The following SCN8A variants were observed in gnomAD, a reference collection of about 807,000 sequenced individuals.
SCN8A encodes the protein sodium voltage-gated channel alpha subunit 8.
In SCN8A, 30 loss-of-function variants were observed where a neutral mutation model predicts 184.1. The ratio of observed to expected loss-of-function variants is 0.16; its 90% CI spans 0.12 to 0.22. SCN8A has a LOEUF of 0.22. SCN8A is among the 10% of genes least tolerant of loss of function. SCN8A has a pLI of 1.00. For synonymous variants in SCN8A, 852 were observed against 907.0 expected, an observed-to-expected ratio of 0.94 and a Z score of 1.09; for missense variants, 1,057 against 2,498.9, an observed-to-expected ratio of 0.42 and a Z score of 12.30.
intron 12 of SCN8A, among the ~76,000 whole-genome samples, chr12:51,739,618 A>G (rs1458819939): frequency 3.9e-5 from 6 of 152,152 alleles, no homozygotes; most frequent in Non-Finnish European, 2.9e-5. Flanking sequence ...TGTTACCCTG[A>G]GGCATCCGAG....
chr12:51,762,658 G>T lies in SCN8A; in HGVS notation c.2526G>T (p.Val842=), dbSNP rs1264733612. The T allele has an allele frequency of 2.5e-6, 4 of 1,590,012 alleles. No homozygotes were observed. Among genetic ancestry groups the T allele is most frequent in the Admixed American group, 1.9e-5 (1 of 53,842 alleles). The change falls in exon 15 of 27, where the codon GTG becomes GTT. Residue 842 remains valine, a synonymous_variant. Coordinates refer to ENST00000627620, the MANE Select transcript of SCN8A (RefSeq NM_001330260.2). ...LSLADVEGLS[V]LRSFRLLRVF... is the part of the protein sequence containing the mutation. ...TAGCAGACGTGGAGGGGCTTTCAGT[G>T]CTGCGATCTTTCCGATTGGTATTCC... is the stretch of plus-strand genomic sequence containing the variant.
intron 1 of SCN8A, among the ~76,000 whole-genome samples, chr12:51,593,460 T>C (rs2138542238): frequency 6.6e-6 from 1 of 152,276 alleles, no homozygotes; most frequent in East Asian, 1.9e-4. Context: ...TTGGAGGATT[T>C]TGTTTTAAAT....
chr12:51,722,424 C>T (rs145331692), intron 12 of SCN8A: 1,710 of 158,980 alleles, frequency 0.011, 15 homozygotes, highest in Non-Finnish European at 0.015. Flanking sequence ...CTTCTACCCT[C>T]CTAGGGAAAC....
At chr12:51,665,367 T>G (rs574328849) in intron 2 of SCN8A, among the ~76,000 whole-genome samples, 1 of 152,228 alleles carries the variant, frequency 6.6e-6, no homozygotes, top group Non-Finnish European at 1.5e-5. Context: ...AGCCTTCGGC[T>G]TCATCACAAG....
chr12:51,711,893 G>A (rs867069328), intron 11 of SCN8A, among the ~76,000 whole-genome samples: 3 of 152,190 alleles, frequency 2.0e-5, no homozygotes, highest in South Asian at 2.1e-4. Context: ...TGGAAATGGG[G>A]AGAATAGATT....
At chr12:51,593,281 T>C (rs1054626625) in intron 1 of SCN8A, among the ~76,000 whole-genome samples, 1 of 152,186 alleles carries the variant, frequency 6.6e-6, no homozygotes, top group African/African-American at 2.4e-5. Context: ...TTCCGTGTTC[T>C]CTGAACATCT....
chr12:51,807,292 G>C lies in SCN8A; in HGVS notation c.5806G>C (p.Glu1936Gln). Residue 1936 changes from glutamate to glutamine, a missense_variant, in exon 27 of 27, where the codon GAG becomes CAG. By Grantham distance (29) the Glu-to-Gln change is conservative. Coordinates refer to ENST00000627620, the MANE Select transcript of SCN8A (RefSeq NM_001330260.2). The surrounding 1 kb of genome is among the most constrained non-coding windows in gnomAD (Gnocchi z 4.5). Reference sequence around the variant, plus strand: ...TGGAGGCACACACCGGGAGAAAAAAGAGAGCACCCCATCTACAGCCTCCCT... The same window carrying C: ...TGGAGGCACACACCGGGAGAAAAAACAGAGCACCCCATCTACAGCCTCCCT... ...ENGGTHREKK[E>Q]STPSTASLPS... 6.2e-7 allele frequency: 1 copy of C among 1,613,932 alleles called. No homozygotes were observed. The highest frequency in any genetic ancestry group is 2.2e-5 in the East Asian group (1 of 44,868).
intron 3 of SCN8A, 40 bp from the exon 4 acceptor site, chr12:51,686,328 G>T: frequency 7.7e-7 from 1 of 1,293,690 alleles, no homozygotes; most frequent in Non-Finnish European, 1.1e-6. Flanking sequence ...AAAACAAAAG[G>T]CAGGCCAGAT....
intron 2 of SCN8A, among the ~76,000 whole-genome samples, chr12:51,679,118 C>T (rs1233898358): frequency 6.6e-6 from 1 of 151,788 alleles, no homozygotes; most frequent in Non-Finnish European, 1.5e-5. Context: ...CTACTCACCC[C>T]AGGTGCAGTG....
chr12:51,769,775 T>A, intron 17 of SCN8A, 93 bp from the exon 18 acceptor site: 1 of 805,800 alleles, frequency 1.2e-6, no homozygotes, highest in Non-Finnish European at 2.1e-6. Context: ...GAGTCAGAGC[T>A]GGCCCCTCAT....
In SCN8A at chr12:51,761,935, G is replaced by GA. The variant is rs574849760; in HGVS notation, c.2371-558dup. Among the ~76,000 whole-genome samples, 1,331 of 143,462 alleles carry GA rather than the reference G, an allele frequency of 9.3e-3. 10 individuals are homozygous for GA. The highest frequency in any genetic ancestry group is 0.018 in the Middle Eastern group (5 of 280). 94.1% of individuals were successfully genotyped at this position (143,462 alleles called of 152,430 possible). ...ACTCTGTCAAAATACCTGTGTATTT[G>GA]AAAAAAAAAACAGAAAGAAAATACA... On this transcript the variant is annotated intron_variant, in intron 14 of 26. Transcript: ENST00000627620.
chr12:51,807,530 T>A lies in SCN8A; in HGVS notation c.*101T>A. On this transcript the variant is annotated 3_prime_UTR_variant, in exon 27 of 27. Coordinates refer to ENST00000627620, the MANE Select transcript of SCN8A (RefSeq NM_001330260.2). This position sits in a 1 kb window ranked among gnomAD's most constrained non-coding sequence, Gnocchi z 4.5. Reference sequence around the variant, plus strand: ...ATCAATGCAGAACAGCTGTGGAGACTCTAACCTGAAGATCTATACCAAACG... The same window carrying A: ...ATCAATGCAGAACAGCTGTGGAGACACTAACCTGAAGATCTATACCAAACG... The A allele has an allele frequency of 8.0e-7, 1 of 1,251,578 alleles. No individual in the cohort carries two copies. Among genetic ancestry groups the A allele is most frequent in the East Asian group, 2.5e-5 (1 of 39,526 alleles). 77.5% of individuals were successfully genotyped at this position (1,251,578 alleles called of 1,614,324 possible).
At chr12:51,639,339 T>A (rs1458835674) in intron 1 of SCN8A, among the ~76,000 whole-genome samples, 4 of 152,222 alleles carry the variant, frequency 2.6e-5, no homozygotes, top group Non-Finnish European at 5.9e-5. Context: ...GACAACAATA[T>A]ATTTAGAATA....
chr12:51,779,552 C>A (rs973110402), intron 20 of SCN8A, among the ~76,000 whole-genome samples: 10 of 152,172 alleles, frequency 6.6e-5, no homozygotes, highest in Non-Finnish European at 1.0e-4. Context: ...GTTGTGTAAC[C>A]TGCCCACTGG....
chr12:51,688,754 G>A lies in SCN8A; in HGVS notation c.615-251G>A, dbSNP rs1356416543. On this transcript the variant is annotated intron_variant, in intron 5 of 26. Transcript: ENST00000627620. ...TACAAGTTAACTTTGGTTTGATTCT[G>A]CAGGTATATAACAGAGTTTGTAAAC... 1.2e-6 allele frequency: 2 copies of A among 1,610,306 alleles called. No individual in the cohort carries two copies. Among genetic ancestry groups the A allele is most frequent in the Admixed American group, 1.7e-5 (1 of 59,982 alleles).
chr12:51,747,936 A>G (rs980459680), intron 13 of SCN8A, among the ~76,000 whole-genome samples: 8 of 151,738 alleles, frequency 5.3e-5, no homozygotes, highest in Non-Finnish European at 8.8e-5. Flanking sequence ...ATAGGAAAAT[A>G]TTATTCCAGT....
intron 2 of SCN8A, among the ~76,000 whole-genome samples, chr12:51,683,235 C>T (rs773877796): frequency 6.6e-6 from 1 of 152,164 alleles, no homozygotes; most frequent in Non-Finnish European, 1.5e-5. Flanking sequence ...GTAATTAGCA[C>T]AATGCTTGGC....
chr12:51,723,398 A>C (rs555867187), intron 12 of SCN8A, among the ~76,000 whole-genome samples: 1 of 152,332 alleles, frequency 6.6e-6, no homozygotes. Flanking sequence ...ATGCTGAGGC[A>C]GGGGGATCAC....
intron 3 of SCN8A, among the ~76,000 whole-genome samples, chr12:51,684,699 A>G (rs1013016745): frequency 6.6e-6 from 1 of 152,208 alleles, no homozygotes; most frequent in Admixed American, 6.5e-5. Context: ...TGCTTTAGAA[A>G]TCAGCTTTGA....
Sources: allele counts gnomAD v4.1 joint callset (sites outside exome capture counted in the v4.1 genomes callset), GRCh38; gene constraint gnomAD v4.1.1; non-coding constraint Gnocchi (gnomAD v3.1); transcripts MANE v1.5; gene names NCBI Gene and HGNC (gene_info 2026-07-23, HGNC 2026-07-21).